CACNA1H: variants seen among roughly 807,000 people sequenced by gnomAD.
CACNA1H encodes the protein calcium voltage-gated channel subunit alpha1 H.
CACNA1H carries 149 observed loss-of-function variants against 192.5 expected under a neutral mutation model. That is an observed-to-expected ratio of 0.77 (90% CI 0.68 to 0.89). CACNA1H has a LOEUF of 0.89. Among genes scored for constraint, CACNA1H ranks in the 40% least tolerant of loss-of-function variants. CACNA1H has a pLI of 0.00. For missense variants in CACNA1H, 4,257 were observed against 3,423.5 expected (o/e 1.24, Z -6.08); for synonymous variants, 2,202 against 1,475.2 (o/e 1.49, Z -11.29).
chr16:1,172,147 C>T (rs1215674463), intron 2 of CACNA1H, among the ~76,000 whole-genome samples: 3 of 152,148 alleles, frequency 2.0e-5, no homozygotes, highest in Admixed American at 1.3e-4. Flanking sequence ...GGGCGTGGGC[C>T]GCACACGGTG....
chr16:1,192,619 CA>C, intron 2 of CACNA1H, among the ~76,000 whole-genome samples: 1 of 152,206 alleles, frequency 6.6e-6, no homozygotes, highest in Non-Finnish European at 1.5e-5. Flanking sequence ...CAGGGTCAGG[CA>C]AGTGGCTGGG....
intron 2 of CACNA1H, among the ~76,000 whole-genome samples, chr16:1,185,511 C>G (rs949883552): frequency 7.0e-6 from 1 of 143,020 alleles, no homozygotes; most frequent in Non-Finnish European, 1.6e-5. Context: ...TCCCCCCCCC[C>G]GCCGAGTCTG....
chr16:1,188,978 G>C (rs1042382884), intron 2 of CACNA1H, among the ~76,000 whole-genome samples: 1 of 151,744 alleles, frequency 6.6e-6, no homozygotes, highest in African/African-American at 2.4e-5. Context: ...TGGGCCCCTT[G>C]GAGGGCCCCC....
chr16:1,190,831 C>T (rs564043959), intron 2 of CACNA1H, among the ~76,000 whole-genome samples: 1 of 152,374 alleles, frequency 6.6e-6, no homozygotes, highest in East Asian at 1.9e-4. Flanking sequence ...AGCTGGGACC[C>T]GTCAGGCTGG....
intron 2 of CACNA1H, among the ~76,000 whole-genome samples, chr16:1,174,991 C>T (rs1020263512): frequency 2.0e-5 from 3 of 150,726 alleles, no homozygotes; most frequent in South Asian, 2.1e-4. Context: ...GCCATGGCTC[C>T]GTGGTGGGTC....
chr16:1,183,240 C>T (rs572111747), intron 2 of CACNA1H, among the ~76,000 whole-genome samples: 20 of 152,270 alleles, frequency 1.3e-4, no homozygotes, highest in African/African-American at 4.1e-4. Context: ...GGACCCCTGA[C>T]GGGTTCTATT....
At chr16:1,192,477 C>G (rs1966709830) in intron 2 of CACNA1H, among the ~76,000 whole-genome samples, 1 of 152,258 alleles carries the variant, frequency 6.6e-6, no homozygotes, top group South Asian at 2.1e-4. Flanking sequence ...GGCCCCTTCC[C>G]TTCTGTCCCC....
intron 2 of CACNA1H, among the ~76,000 whole-genome samples, chr16:1,172,219 T>A (rs759038122): frequency 7.9e-5 from 12 of 152,120 alleles, no homozygotes; most frequent in Non-Finnish European, 1.5e-4. Flanking sequence ...AGTCTGCCTT[T>A]CCTGCCTGAC....
intron 2 of CACNA1H, among the ~76,000 whole-genome samples, chr16:1,183,167 C>T (rs1029478899): frequency 2.0e-5 from 3 of 152,030 alleles, no homozygotes; most frequent in East Asian, 3.9e-4. Context: ...CCCTGGAACC[C>T]GGTACCCTCC....
chr16:1,214,918 G>C (rs1969879235), intron 27 of CACNA1H, 54 bp from the exon 28 acceptor site: 1 of 1,356,582 alleles, frequency 7.4e-7, no homozygotes, highest in African/African-American at 1.4e-5. Flanking sequence ...GGGAGCCAGG[G>C]GGAAGAGGGG....
Position 1,205,144 on chromosome 16 carries a change from A to T in CACNA1H, c.2482A>T (p.Ser828Cys). Residue 828 changes from serine (S) to cysteine (C), a missense_variant, in exon 11 of 35, where the codon AGC becomes TGC. By Grantham distance (112) the Ser-to-Cys change is moderately radical (BLOSUM62 -1). Coordinates refer to ENST00000348261, the MANE Select transcript of CACNA1H (RefSeq NM_021098.3). Reference sequence around the variant, plus strand: ...GGAGCTGACTAATGCTCTGGAGATCAGCAACATCGTGTTCACCAGCATGTT... The same window carrying T: ...GGAGCTGACTAATGCTCTGGAGATCTGCAACATCGTGTTCACCAGCATGTT... ...PEELTNALEISNIVFTSMFAL... is the reference protein window; with the variant it reads ...PEELTNALEICNIVFTSMFAL... 6.2e-7 allele frequency: 1 copy of T among 1,612,740 alleles called. No individual in the cohort carries two copies. Among genetic ancestry groups the T allele is most frequent in the Non-Finnish European group, 8.5e-7 (1 of 1,179,768 alleles).
At chr16:1,196,057 A>G (rs1229404074) in intron 5 of CACNA1H, 34 bp downstream of exon 5, 2 of 1,551,408 alleles carry the variant, frequency 1.3e-6, no homozygotes, top group Non-Finnish European at 1.8e-6. Context: ...CTTGAGATCA[A>G]CAGGCTTGCG....
At position 1,180,603 on chromosome 16, in the gene CACNA1H, C is replaced by G. The variant is rs1227489622; in HGVS notation, c.300-14369C>G. Among the ~76,000 whole-genome samples the G allele has an allele frequency of 2.0e-5, 3 of 152,082 alleles. No homozygotes were observed. The East Asian group carries it at 5.8e-4, about 29-fold the overall frequency. ...GGGGCCAGGGAGGAGGGGCTGCTCT[C>G]CATAGTGTGTCGGGTGGGGAGTGGC... is the stretch of plus-strand genomic sequence containing the variant. On this transcript the variant is annotated intron_variant, in intron 2 of 34. Coordinates refer to ENST00000348261, the MANE Select transcript of CACNA1H (RefSeq NM_021098.3). This position sits in a 1 kb window ranked among gnomAD's most constrained non-coding sequence, Gnocchi z 4.4.
At chr16:1,159,174 C>T (rs867729564) in intron 2 of CACNA1H, among the ~76,000 whole-genome samples, 6 of 152,204 alleles carry the variant, frequency 3.9e-5, no homozygotes, top group African/African-American at 9.6e-5. Flanking sequence ...GCCAGTTCCC[C>T]GCAGAGTGCC....
At chr16:1,168,607 CTGG>C (rs1964042553) in intron 2 of CACNA1H, among the ~76,000 whole-genome samples, 1 of 152,044 alleles carries the variant, frequency 6.6e-6, no homozygotes, top group Non-Finnish European at 1.5e-5. Flanking sequence ...TCCAGTGTGT[CTGG>C]TGGTCCTCAG....
chr16:1,200,309 A>T lies in CACNA1H; in HGVS notation c.857A>T (p.Glu286Val). 1 of 1,606,526 alleles carries T rather than the reference A, an allele frequency of 6.2e-7. No individual in the cohort carries two copies. The highest frequency in any genetic ancestry group is 8.5e-7 in the Non-Finnish European group (1 of 1,176,980). Reference protein sequence around the residue: ...RPYYQTEEGEENPFICSSRRD... With the variant: ...RPYYQTEEGEVNPFICSSRRD... ...TACTACCAGACGGAGGAGGGCGAGG[A>T]GAACCCGTTCATCTGCTCCTCACGC... The change falls in exon 7 of 35, where the codon GAG becomes GTG. Residue 286 changes from glutamate to valine, a missense_variant. Glu to Val is a moderately radical substitution (Grantham distance 121, BLOSUM62 -2). Coordinates refer to ENST00000348261, the MANE Select transcript of CACNA1H (RefSeq NM_021098.3).
In CACNA1H at chr16:1,220,336, T is replaced by C; in HGVS notation, c.6404T>C (p.Leu2135Pro). The C allele has an allele frequency of 6.5e-7, 1 of 1,547,696 alleles. No homozygotes were observed. The highest frequency in any genetic ancestry group is 8.7e-7 in the Non-Finnish European group (1 of 1,154,182). The change falls in exon 35 of 35, where the codon CTC becomes CCC. Residue 2135 changes from leucine (L) to proline (P), a missense_variant. Transcript: ENST00000348261. ...GGCGGCGAGCGGGACCTGCGCAGGC[T>C]CTACAGCGTGGATGCTCAGGGCTTC... ...VAGGERDLRR[L>P]YSVDAQGFLD... is the part of the protein sequence containing the mutation.
At position 1,221,203 on chromosome 16, in the gene CACNA1H, G is replaced by A. The variant is rs978519843; in HGVS notation, c.*209G>A. On this transcript the variant is annotated 3_prime_UTR_variant, in exon 35 of 35. Coordinates refer to ENST00000348261, the MANE Select transcript of CACNA1H (RefSeq NM_021098.3). ...CACGAGCCTCCGTCCGTTCTGGTTC[G>A]GGTTTCTCCGAGTTTTGCTACCAGC... The A allele has an allele frequency of 4.6e-5, 24 of 519,610 alleles. No homozygotes were observed. Among genetic ancestry groups the A allele is most frequent in the African/African-American group, 2.9e-4 (15 of 52,378 alleles). The allele number at this position is 519,610 out of a possible 1,614,324, so 32.2% of individuals were successfully genotyped here. A position where few individuals can be genotyped will look rare whatever the true frequency, so the allele number is the denominator to read the frequency against.
In CACNA1H at chr16:1,198,658, G is replaced by A; in HGVS notation, c.687G>A (p.Met229Ile). Reference protein sequence around the residue: ...LVTLLLDTLPMLGNVLLLCFF... With the variant: ...LVTLLLDTLPILGNVLLLCFF... ...CTCTGCTGCTGGATACGCTGCCCAT[G>A]CTCGGGAACGTCCTTCTGCTGTGCT... Residue 229 changes from methionine to isoleucine, a missense_variant, in exon 6 of 35, where the codon ATG becomes ATA. Physicochemically the swap from Met to Ile is conservative, Grantham distance 10. Transcript: ENST00000348261. 2 of 1,613,448 alleles carry A rather than the reference G, an allele frequency of 1.2e-6. No individual in the cohort carries two copies. Among genetic ancestry groups the A allele is most frequent in the Non-Finnish European group, 1.7e-6 (2 of 1,179,650 alleles).
Sources: gnomAD v4.1 joint callset for allele counts (sites outside exome capture counted in the v4.1 genomes callset) on GRCh38, gnomAD v4.1.1 for gene constraint, Gnocchi (gnomAD v3.1) non-coding constraint, MANE v1.5 for transcripts, NCBI Gene and HGNC (gene_info 2026-07-23, HGNC 2026-07-21) for gene names.